The following FRMD4B variants were observed in gnomAD, a reference collection of about 807,000 sequenced individuals.
FRMD4B encodes the protein FERM domain containing 4B, also known as FERM domain-containing protein 4B.
Under a neutral mutation model 141.5 loss-of-function variants are expected in FRMD4B, and 74 were observed. The ratio of observed to expected loss-of-function variants is 0.52; its 90% CI spans 0.43 to 0.63. FRMD4B has a LOEUF of 0.63. Ranked by LOEUF, FRMD4B falls within the 30% of genes least tolerant of loss-of-function variation. The pLI, the probability that FRMD4B is intolerant of heterozygous loss-of-function variation, is 0.00. For synonymous variants in FRMD4B, 506 were observed against 467.9 expected (o/e 1.08, Z -1.05); for missense variants, 1,366 against 1,253.4 (o/e 1.09, Z -1.36).
chr3:69,197,132 C>G, intron 12 of FRMD4B, 94 bp from the exon 13 acceptor site: 1 of 939,758 alleles, frequency 1.1e-6, no homozygotes, highest in Non-Finnish European at 1.6e-6. Flanking sequence ...AAGCATGTTC[C>G]TCTTACCTGT....
intron 8 of FRMD4B, among the ~76,000 whole-genome samples, chr3:69,223,394 A>T (rs1350324417): frequency 6.6e-6 from 1 of 152,098 alleles, no homozygotes; most frequent in Non-Finnish European, 1.5e-5. Flanking sequence ...GTGTGCCTGT[A>T]ATCCCAGCTA....
At chr3:69,183,733 C>T (rs1311071863) in intron 19 of FRMD4B, among the ~76,000 whole-genome samples, 12 of 152,018 alleles carry the variant, frequency 7.9e-5, no homozygotes, top group African/African-American at 2.4e-4. Context: ...CCGCCCACCT[C>T]GGCCTCCCAA....
Position 69,250,281 on chromosome 3 carries a change from C to CTGTGTGTGTG in FRMD4B, c.502-183_502-182insCACACACACA, listed in dbSNP as rs780190498. 24 of 511,648 alleles carry CTGTGTGTGTG rather than the reference C, an allele frequency of 4.7e-5. 1 individual carries two copies. The highest frequency in any genetic ancestry group is 6.9e-5 in the Non-Finnish European group (20 of 289,344). The allele number at this position is 511,648 out of a possible 1,614,324, so 31.7% of individuals were successfully genotyped here. A position where few individuals can be genotyped will look rare whatever the true frequency, so the allele number is the denominator to read the frequency against. ...CTCATTGAGGGTTAAGGCGAAACCA[C>CTGTGTGTGTG]TGTGTGTGCGTGTGTGTGTGTGTGT... On this transcript the variant is annotated intron_variant, in intron 5 of 22. Coordinates refer to ENST00000398540, the MANE Select transcript of FRMD4B (RefSeq NM_015123.3).
intron 1 of FRMD4B, among the ~76,000 whole-genome samples, chr3:69,487,835 C>A (rs1258971278): frequency 1.3e-5 from 2 of 152,082 alleles, no homozygotes; most frequent in African/African-American, 4.8e-5. Context: ...AGATGAATAC[C>A]CAGTATCTAT....
At chr3:69,367,129 T>A (rs1384165394) in intron 1 of FRMD4B, among the ~76,000 whole-genome samples, 1 of 152,230 alleles carries the variant, frequency 6.6e-6, no homozygotes, top group Non-Finnish European at 1.5e-5. Flanking sequence ...CTTCTGGCAC[T>A]GTGTGAATGG....
At position 69,517,131 on chromosome 3, in the gene FRMD4B, T is replaced by C. The variant is rs183932801; in HGVS notation, c.-129+25075A>G. 1.6e-3 allele frequency among the ~76,000 whole-genome samples: 251 copies of C among 152,316 alleles called. 1 individual carries two copies. Among genetic ancestry groups the C allele is most frequent in the African/African-American group, 5.8e-3 (240 of 41,580 alleles). On this transcript the variant is annotated intron_variant, in intron 1 of 5. Transcript: ENST00000459638. The stretch of plus-strand genomic sequence containing the variant: ...ACAATTTACCTTGCCTTTGGAAAGA[T>C]TCAGGTCATATCTCTGATACTAATG...
chr3:69,181,131 G>C lies in FRMD4B; in HGVS notation c.2619C>G (p.Leu873=), dbSNP rs771827489. The C allele has an allele frequency of 1.9e-6, 3 of 1,614,008 alleles. No individual in the cohort carries two copies. The highest frequency in any genetic ancestry group is 1.3e-5 in the African/African-American group (1 of 75,040). Reference sequence around the variant, plus strand: ...TTGCAGCAGCCTTCCTTGGCAGCCGGAGAGTTGCATATGGGTTATGGGGTA... The same window carrying C: ...TTGCAGCAGCCTTCCTTGGCAGCCGCAGAGTTGCATATGGGTTATGGGGTA... The part of the protein sequence containing the change: ...DRVPHNPYAT[L]RLPRKAAAKS... The change falls in exon 21 of 23, where the codon CTC becomes CTG. Residue 873 remains leucine (L), a synonymous_variant. Transcript: ENST00000398540.
At chr3:69,209,720 A>G (rs4521234) in intron 11 of FRMD4B, among the ~76,000 whole-genome samples, 105,481 of 152,134 alleles carry the variant, frequency 0.69, 38,201 homozygotes, top group Non-Finnish European at 0.79. Context: ...TACACACTTT[A>G]TAAACAGGAT....
intron 1 of FRMD4B, among the ~76,000 whole-genome samples, chr3:69,486,900 GAAAAGACAAAACAGGATAAAT>G (rs1164030455): frequency 6.6e-6 from 1 of 152,136 alleles, no homozygotes; most frequent in East Asian, 1.9e-4. Flanking sequence ...AAGATGCTTT[GAAAAGACAAAACAGGATAAAT>G]AAAAGACAAA....
At chr3:69,226,539 A>T (rs2093256282) in intron 7 of FRMD4B, among the ~76,000 whole-genome samples, 7 of 152,046 alleles carry the variant, frequency 4.6e-5, no homozygotes, top group Admixed American at 4.6e-4. Flanking sequence ...ATTCAGGACA[A>T]CATCGTGTTA....
chr3:69,332,942 AAGC>A (rs1021111134), intron 1 of FRMD4B, among the ~76,000 whole-genome samples: 2 of 151,986 alleles, frequency 1.3e-5, no homozygotes, highest in Non-Finnish European at 2.9e-5. Flanking sequence ...ATTCACCAAA[AAGC>A]AGAGTTAAAA....
rs144727207 is a variant in FRMD4B, at chr3:69,231,213, A to G, written c.582-6523T>C. 4.1e-3 allele frequency among the ~76,000 whole-genome samples: 619 copies of G among 152,356 alleles called. 4 individuals carry two copies. Among genetic ancestry groups the G allele is most frequent in the African/African-American group, 0.014 (593 of 41,586 alleles). On this transcript the variant is annotated intron_variant, in intron 7 of 22. Coordinates refer to ENST00000398540, the MANE Select transcript of FRMD4B (RefSeq NM_015123.3). The stretch of plus-strand genomic sequence containing the variant: ...GGAATTTTATTGGAGGTAGGAAAGT[A>G]CAATATACAGTGGGGGGCAGGAGGC...
intron 2 of FRMD4B, among the ~76,000 whole-genome samples, chr3:69,425,311 A>G (rs1705057663): frequency 6.6e-6 from 1 of 152,232 alleles, no homozygotes; most frequent in Non-Finnish European, 1.5e-5. Context: ...GTTCACAAGA[A>G]ACAGAAGCTA....
intron 7 of FRMD4B, among the ~76,000 whole-genome samples, chr3:69,227,137 T>C (rs907366535): frequency 6.6e-6 from 1 of 152,192 alleles, no homozygotes; most frequent in Non-Finnish European, 1.5e-5. Context: ...ATTTGAACTA[T>C]ACACAATCAG....
At chr3:69,502,598 A>T (rs1263319375) in intron 1 of FRMD4B, among the ~76,000 whole-genome samples, 2 of 152,184 alleles carry the variant, frequency 1.3e-5, no homozygotes, top group African/African-American at 4.8e-5. Flanking sequence ...AACCTAGGCA[A>T]TACCATTCAG....
At position 69,328,145 on chromosome 3, in the gene FRMD4B, C is replaced by T. The variant is rs185246713; in HGVS notation, c.163-14628G>A. The stretch of plus-strand genomic sequence containing the variant: ...TGGCTCTTGGCCACTCACGAAAGCC[C>T]ACTGTCCCATTTTCAAGCTGGTTGT... On this transcript the variant is annotated intron_variant, in intron 1 of 22. Transcript: ENST00000398540. Among the ~76,000 whole-genome samples, 434 of 152,312 alleles carry T rather than the reference C, an allele frequency of 2.8e-3. 1 individual carries two copies. The highest frequency in any genetic ancestry group is 9.2e-3 in the African/African-American group (384 of 41,570).
In FRMD4B at chr3:69,181,092, G is replaced by A. The variant is rs1460076988; in HGVS notation, c.2658C>T (p.Ile886=). 1 of 1,613,906 alleles carries A rather than the reference G, an allele frequency of 6.2e-7. No individual in the cohort carries two copies. The highest frequency in any genetic ancestry group is 8.5e-7 in the Non-Finnish European group (1 of 1,179,902). The change falls in exon 21 of 23, where the codon ATC becomes ATT. Residue 886 remains isoleucine (I), a synonymous_variant. Transcript: ENST00000398540. ...PRKAAAKSEH[I]TKNIHKALVA... is the part of the protein sequence containing the mutation. ...CTAAGGCCTTGTGGATGTTTTTGGT[G>A]ATGTGCTCCGATTTTGCAGCAGCCT...
intron 4 of FRMD4B, among the ~76,000 whole-genome samples, chr3:69,293,907 A>G (rs956578830): frequency 3.8e-5 from 5 of 131,596 alleles, no homozygotes; most frequent in African/African-American, 1.1e-4. Flanking sequence ...AAAAAAAAAA[A>G]ATCCAAGTAT....
intron 2 of FRMD4B, among the ~76,000 whole-genome samples, chr3:69,427,895 A>T (rs1418121124): frequency 6.6e-6 from 1 of 151,780 alleles, no homozygotes; most frequent in African/African-American, 2.4e-5. Flanking sequence ...ACCTCGAGTG[A>T]TCTGCCCACC....
Sources: gnomAD v4.1 joint callset for allele counts (sites outside exome capture counted in the v4.1 genomes callset) on GRCh38, gnomAD v4.1.1 for gene constraint, MANE v1.5 for transcripts, NCBI Gene and HGNC (gene_info 2026-07-23, HGNC 2026-07-21) for gene names.